TTC27: variants seen among roughly 807,000 people sequenced by gnomAD.
TTC27 encodes the protein tetratricopeptide repeat protein 27.
Under a neutral mutation model 115.9 loss-of-function variants are expected in TTC27, and 79 were observed. That is an observed-to-expected ratio of 0.68 (90% CI 0.57 to 0.82). The LOEUF (loss-of-function observed/expected upper bound fraction) is 0.82, where lower values mean the gene tolerates loss of function less well. Ranked by LOEUF, TTC27 falls within the 40% of genes least tolerant of loss-of-function variation. TTC27 has a pLI of 0.00. For missense variants in TTC27, 1,054 were observed against 993.1 expected (o/e 1.06, Z -0.82); for synonymous variants, 401 against 356.0 (o/e 1.13, Z -1.42).
chr2:32,669,657 G>A (rs1051370173), intron 7 of TTC27, among the ~76,000 whole-genome samples: 1 of 152,016 alleles, frequency 6.6e-6, no homozygotes, highest in Non-Finnish European at 1.5e-5. Context: ...GGCCGAGGTG[G>A]GAGGATCACT....
chr2:32,730,305 A>G (rs970301287), intron 10 of TTC27, among the ~76,000 whole-genome samples: 1 of 152,232 alleles, frequency 6.6e-6, no homozygotes, highest in Non-Finnish European at 1.5e-5. Context: ...TCAAAAAATC[A>G]TCTCATAGAA....
rs114588698 is a variant in TTC27 at position 32,759,637 on chromosome 2, G to C, written c.1680+1118G>C. Among the ~76,000 whole-genome samples the C allele has an allele frequency of 7.4e-3, 1,119 of 152,214 alleles. 11 individuals carry two copies. The highest frequency in any genetic ancestry group is 0.025 in the African/African-American group (1,021 of 41,530). On this transcript the variant is annotated intron_variant, in intron 13 of 19. Transcript: ENST00000317907. ...ATGAAAGTACAGTTCAATAGTGTTA[G>C]GTACATTCCCATTGTTGGGCAACCA...
chr2:32,722,280 C>G (rs1667958540), intron 10 of TTC27, among the ~76,000 whole-genome samples: 2 of 152,156 alleles, frequency 1.3e-5, no homozygotes, highest in Non-Finnish European at 2.9e-5. Context: ...TGTATTTCAT[C>G]TGCATTAATA....
Position 32,723,971 on chromosome 2 carries a change from C to CTTTTTTTTTTTTTT in TTC27, c.1234-9853_1234-9840dup, listed in dbSNP as rs36120062. Among the ~76,000 whole-genome samples the CTTTTTTTTTTTTTT allele has an allele frequency of 2.4e-4, 22 of 92,424 alleles. 1 individual carries two copies. Among genetic ancestry groups the CTTTTTTTTTTTTTT allele is most frequent in the South Asian group, 9.8e-4 (2 of 2,036 alleles). The allele number at this position is 92,424 out of a possible 152,430, so 60.6% of individuals were successfully genotyped here. The stretch of plus-strand genomic sequence containing the variant: ...TGAGCCACCAGCTGGCATACATAAG[C>CTTTTTTTTTTTTTT]TTTTTTTTTTTTTTTTTATAGAAAG... On this transcript the variant is annotated intron_variant, in intron 10 of 19. Coordinates refer to ENST00000317907, the MANE Select transcript of TTC27 (RefSeq NM_017735.5).
intron 5 of TTC27, among the ~76,000 whole-genome samples, chr2:32,659,644 A>G (rs1035731311): frequency 7.9e-5 from 12 of 152,050 alleles, no homozygotes; most frequent in Admixed American, 5.9e-4. Flanking sequence ...CCATCAACCT[A>G]TCATCTACAT....
chr2:32,817,614 C>T, intron 19 of TTC27, 57 bp downstream of exon 19: 1 of 1,406,062 alleles, frequency 7.1e-7, no homozygotes. Context: ...TCATTAGTAT[C>T]AGCTTATTGC....
chr2:32,634,160 C>T (rs979279298), intron 3 of TTC27, among the ~76,000 whole-genome samples, 155 bp downstream of exon 3: 1 of 152,176 alleles, frequency 6.6e-6, no homozygotes. Context: ...CAGATTTTCA[C>T]AGATTTCCAG....
intron 9 of TTC27, among the ~76,000 whole-genome samples, chr2:32,689,119 A>T (rs1666732627): frequency 6.6e-6 from 1 of 152,158 alleles, no homozygotes; most frequent in African/African-American, 2.4e-5. Flanking sequence ...GTATGATTCC[A>T]TTTAATGGAA....
intron 16 of TTC27, among the ~76,000 whole-genome samples, chr2:32,807,928 C>CTTT (rs70938367): frequency 0.038 from 4,157 of 109,444 alleles, 127 homozygotes; most frequent in Non-Finnish European, 0.046. Flanking sequence ...TACTTGCCCT[C>CTTT]TTTTTTTTTT....
rs545353911 is a variant in TTC27 at position 32,735,579 on chromosome 2, A to G, written c.1330-1115A>G. 2.0e-5 allele frequency among the ~76,000 whole-genome samples: 3 copies of G among 152,272 alleles called. No individual in the cohort carries two copies. The East Asian group carries it at 5.8e-4, about 29-fold the overall frequency. On this transcript the variant is annotated intron_variant, in intron 11 of 19. Transcript: ENST00000317907. ...GACGTTAATTACTTTTTCTTGCATC[A>G]TGGGGACTATCTTTGTGTATTATTT...
At chr2:32,696,380 C>T (rs965379519) in intron 9 of TTC27, among the ~76,000 whole-genome samples, 1 of 151,754 alleles carries the variant, frequency 6.6e-6, no homozygotes, top group Admixed American at 6.6e-5. Flanking sequence ...ACCTCCACCT[C>T]CTGGGTTCAA....
At chr2:32,662,402 C>CT (rs767784835) in intron 5 of TTC27, among the ~76,000 whole-genome samples, 1 of 151,948 alleles carries the variant, frequency 6.6e-6, no homozygotes, top group Non-Finnish European at 1.5e-5. Flanking sequence ...TGGTCCTGGG[C>CT]TTTTTTTGGT....
intron 16 of TTC27, among the ~76,000 whole-genome samples, chr2:32,804,148 G>A (rs1383985214): frequency 1.3e-5 from 2 of 152,084 alleles, no homozygotes; most frequent in Non-Finnish European, 2.9e-5. Context: ...AATAATAGCT[G>A]TATATACCTT....
chr2:32,642,077 G>C (rs1559183241), intron 4 of TTC27, among the ~76,000 whole-genome samples: 1 of 151,640 alleles, frequency 6.6e-6, no homozygotes, highest in Non-Finnish European at 1.5e-5. Flanking sequence ...GGCTGGTCTC[G>C]AACTCCTGAC....
At chr2:32,678,801 C>T in intron 8 of TTC27, 55 bp from the exon 9 acceptor site, 3 of 1,307,002 alleles carry the variant, frequency 2.3e-6, no homozygotes, top group Non-Finnish European at 3.2e-6. Context: ...AATTATATTT[C>T]ATTAGCTACA....
chr2:32,674,951 C>T (rs1181289510), intron 8 of TTC27, among the ~76,000 whole-genome samples: 4 of 151,906 alleles, frequency 2.6e-5, no homozygotes, highest in Admixed American at 6.6e-5. Flanking sequence ...CGTGAGCCAC[C>T]GCACTTGGCC....
At chr2:32,667,576 C>T (rs1443843974) in intron 7 of TTC27, among the ~76,000 whole-genome samples, 1 of 151,434 alleles carries the variant, frequency 6.6e-6, no homozygotes, top group Admixed American at 6.6e-5. Context: ...ACCACCACGC[C>T]CGGCTAATTT....
intron 18 of TTC27, among the ~76,000 whole-genome samples, chr2:32,814,213 A>G (rs559714488): frequency 2.6e-4 from 39 of 152,316 alleles, no homozygotes; most frequent in African/African-American, 9.1e-4. Context: ...TCAAAGAGAG[A>G]TATGCAGGTT....
chr2:32,735,320 G>T (rs1387101962), intron 11 of TTC27, among the ~76,000 whole-genome samples: 3 of 147,986 alleles, frequency 2.0e-5, no homozygotes, highest in South Asian at 2.1e-4. Context: ...TTTTGACTCT[G>T]ATCTGTGAAA....
Sources: gnomAD v4.1 joint callset for allele counts (sites outside exome capture counted in the v4.1 genomes callset) on GRCh38, gnomAD v4.1.1 for gene constraint, MANE v1.5 for transcripts, NCBI Gene and HGNC (gene_info 2026-07-23, HGNC 2026-07-21) for gene names.